The following ASTN2 variants were observed in gnomAD, a reference collection of about 807,000 sequenced individuals.
ASTN2 encodes astrotactin-2.
In ASTN2, 54 loss-of-function variants were observed where a neutral mutation model predicts 139.8. The observed-to-expected ratio is 0.39, with a 90% CI of 0.31 to 0.48. The LOEUF (loss-of-function observed/expected upper bound fraction) is 0.48. Among genes scored for constraint, ASTN2 ranks in the 20% least tolerant of loss-of-function variants. The pLI is 0.95. For synonymous variants in ASTN2, 756 were observed against 719.5 expected, an observed-to-expected ratio of 1.05 and a Z score of -0.81; for missense variants, 1,565 against 1,725.1, an observed-to-expected ratio of 0.91 and a Z score of 1.64.
chr9:117,008,646 G>T (rs1837428091), intron 6 of ASTN2, among the ~76,000 whole-genome samples: 1 of 152,166 alleles, frequency 6.6e-6, no homozygotes, highest in Non-Finnish European at 1.5e-5. Flanking sequence ...ATAAATTCAT[G>T]TAGATAAAAT....
intron 2 of ASTN2, among the ~76,000 whole-genome samples, chr9:117,226,473 A>T (rs953897159): frequency 6.6e-6 from 1 of 152,248 alleles, no homozygotes; most frequent in African/African-American, 2.4e-5. Flanking sequence ...GATTTAAAAA[A>T]TTCTGGCAGA....
intron 13 of ASTN2, among the ~76,000 whole-genome samples, chr9:116,783,519 C>G (rs1429857380): frequency 6.6e-6 from 1 of 152,108 alleles, no homozygotes; most frequent in Non-Finnish European, 1.5e-5. Context: ...TACTATGCAT[C>G]TGTTGCTTTA....
In ASTN2 at chr9:117,180,752, A is replaced by G. The variant is rs1171945947; in HGVS notation, c.1015+33606T>C. 24 of 1,575,026 alleles carry G rather than the reference A, an allele frequency of 1.5e-5. No homozygotes were observed. In the East Asian group the frequency reaches 4.3e-4, roughly 28 times the overall value. On this transcript the variant is annotated intron_variant, in intron 3 of 22. Coordinates refer to ENST00000313400, the MANE Select transcript of ASTN2 (RefSeq NM_001365068.1). ...TCCAGAGGGCCACGACTGGGGATGT[A>G]CTTGACCCCACAGCCATCAGGGATG...
chr9:116,951,629 G>A (rs1835567468), intron 10 of ASTN2, among the ~76,000 whole-genome samples: 2 of 152,152 alleles, frequency 1.3e-5, no homozygotes, highest in South Asian at 4.1e-4. Context: ...CTCTAGAGAT[G>A]AGTAGGAGAG....
At chr9:116,509,618 C>T (rs1850277111) in intron 19 of ASTN2, among the ~76,000 whole-genome samples, 2 of 152,172 alleles carry the variant, frequency 1.3e-5, no homozygotes, top group South Asian at 4.1e-4. Flanking sequence ...AGTTTACTCT[C>T]CCACCAACAG....
chr9:116,427,711 G>A (rs1364446087), intron 22 of ASTN2, among the ~76,000 whole-genome samples: 3 of 152,228 alleles, frequency 2.0e-5, no homozygotes, highest in Non-Finnish European at 2.9e-5. Context: ...AATTTATGAG[G>A]TGCCTTTCAA....
chr9:116,554,355 T>G (rs1161679151), intron 19 of ASTN2, among the ~76,000 whole-genome samples: 1 of 152,202 alleles, frequency 6.6e-6, no homozygotes, highest in Non-Finnish European at 1.5e-5. Flanking sequence ...CACTTTGGGA[T>G]CTGGTGTCAA....
intron 2 of ASTN2, among the ~76,000 whole-genome samples, chr9:117,255,197 G>C (rs576211506): frequency 1.3e-5 from 2 of 152,324 alleles, no homozygotes; most frequent in East Asian, 1.9e-4. Flanking sequence ...TCCAGAGAGA[G>C]TGCTTCAGAG....
chr9:117,289,881 G>A (rs1377839733), intron 2 of ASTN2, among the ~76,000 whole-genome samples: 1 of 152,146 alleles, frequency 6.6e-6, no homozygotes, highest in Non-Finnish European at 1.5e-5. Context: ...CATGCGTAAG[G>A]TCCAAAATTA....
At chr9:117,153,657 T>A (rs1479225136) in intron 3 of ASTN2, among the ~76,000 whole-genome samples, 1 of 152,108 alleles carries the variant, frequency 6.6e-6, no homozygotes, top group African/African-American at 2.4e-5. Flanking sequence ...TAAACATGAT[T>A]TAATAAATTG....
At chr9:116,884,977 G>T (rs1157473894) in intron 10 of ASTN2, among the ~76,000 whole-genome samples, 2 of 151,784 alleles carry the variant, frequency 1.3e-5, no homozygotes, top group Non-Finnish European at 2.9e-5. Context: ...CACTGTGCCC[G>T]GCTAATTTTT....
At chr9:117,300,016 T>G (rs954045082) in intron 1 of ASTN2, among the ~76,000 whole-genome samples, 1 of 152,186 alleles carries the variant, frequency 6.6e-6, no homozygotes, top group Non-Finnish European at 1.5e-5. Flanking sequence ...AATGTAGAAC[T>G]GAGAGAAAAT....
intron 10 of ASTN2, among the ~76,000 whole-genome samples, chr9:116,878,860 C>T (rs943756753): frequency 1.3e-5 from 2 of 151,706 alleles, no homozygotes; most frequent in African/African-American, 4.8e-5. Flanking sequence ...CATGGAGTCA[C>T]TGAGAGCTCC....
At chr9:116,786,936 G>A (rs1260621607) in intron 13 of ASTN2, among the ~76,000 whole-genome samples, 1 of 152,140 alleles carries the variant, frequency 6.6e-6, no homozygotes, top group Non-Finnish European at 1.5e-5. Context: ...AAAGAGAGCT[G>A]GTGGTTTTAA....
chr9:116,430,156 A>G (rs1033944577), intron 22 of ASTN2, among the ~76,000 whole-genome samples: 17 of 152,362 alleles, frequency 1.1e-4, no homozygotes, highest in Admixed American at 6.5e-4. Context: ...AAATATAAAT[A>G]CAAAATGAAG....
intron 20 of ASTN2, among the ~76,000 whole-genome samples, chr9:116,463,999 C>T (rs1466972739): frequency 6.6e-6 from 1 of 150,644 alleles, no homozygotes; most frequent in African/African-American, 2.4e-5. Flanking sequence ...CTTCCCACCT[C>T]GGCCTCCCAA....
rs186096803 is a variant in ASTN2 at position 117,383,116 on chromosome 9, G to C, written c.442+31381C>G. On this transcript the variant is annotated intron_variant, in intron 1 of 22. Transcript: ENST00000313400. Reference sequence around the variant, plus strand: ...TCAAATAAAACTATTTTTAAACACTGAATCTGAAATTTCTTATAATAATTA... The same window carrying C: ...TCAAATAAAACTATTTTTAAACACTCAATCTGAAATTTCTTATAATAATTA... Among the ~76,000 whole-genome samples the C allele has an allele frequency of 9.8e-5, 15 of 152,298 alleles. No individual in the cohort carries two copies. In the East Asian group the frequency reaches 2.9e-3, roughly 29 times the overall value.
chr9:117,273,691 A>G (rs1373709062), intron 2 of ASTN2, among the ~76,000 whole-genome samples: 2 of 152,196 alleles, frequency 1.3e-5, no homozygotes, highest in South Asian at 2.1e-4. Flanking sequence ...GCTCTAATAT[A>G]TACCCTTTCA....
intron 10 of ASTN2, among the ~76,000 whole-genome samples, chr9:116,921,913 A>G (rs1172314385): frequency 6.6e-6 from 1 of 152,164 alleles, no homozygotes; most frequent in African/African-American, 2.4e-5. Flanking sequence ...ATTCAAGATG[A>G]GATTTGGGTG....
Sources: allele counts gnomAD v4.1 joint callset (sites outside exome capture counted in the v4.1 genomes callset), GRCh38; gene constraint gnomAD v4.1.1; transcripts MANE v1.5; gene names NCBI Gene and HGNC (gene_info 2026-07-23, HGNC 2026-07-21).